Variants in RARB observed in about 807,000 individuals in gnomAD.
RARB encodes HBV-activated protein.
RARB carries 17 observed loss-of-function variants against 51.9 expected under a neutral mutation model. The ratio of observed to expected loss-of-function variants is 0.33; its 90% CI spans 0.22 to 0.49. The LOEUF (loss-of-function observed/expected upper bound fraction) is 0.49, where lower values mean the gene tolerates loss of function less well. Ranked by LOEUF, RARB falls within the 20% of genes least tolerant of loss-of-function variation. The pLI is 0.99. For missense variants in RARB, 369 were observed against 550.8 expected, an observed-to-expected ratio of 0.67 and a Z score of 3.30; for synonymous variants, 215 against 195.4, an observed-to-expected ratio of 1.10 and a Z score of -0.84.
chr3:25,276,459 A>G (rs1703385158), intron 5 of RARB, among the ~76,000 whole-genome samples: 1 of 152,248 alleles, frequency 6.6e-6, no homozygotes, highest in African/African-American at 2.4e-5. Context: ...AATAAACCTA[A>G]TTTGTAGAAT....
chr3:25,135,949 T>C (rs1700026535), intron 4 of RARB, among the ~76,000 whole-genome samples: 1 of 151,572 alleles, frequency 6.6e-6, no homozygotes, highest in Non-Finnish European at 1.5e-5. Context: ...AAAAAAGAAA[T>C]ATAAAATTTT....
intron 2 of RARB, among the ~76,000 whole-genome samples, chr3:24,929,624 G>A (rs1695398844): frequency 1.3e-5 from 2 of 152,084 alleles, no homozygotes; most frequent in Admixed American, 6.6e-5. Flanking sequence ...TTCTGAAGAT[G>A]TAGGGTACAA....
chr3:25,179,325 G>A (rs1353598449), intron 5 of RARB, among the ~76,000 whole-genome samples: 1 of 151,966 alleles, frequency 6.6e-6, no homozygotes, highest in Non-Finnish European at 1.5e-5. Context: ...GCAGATTGAT[G>A]GCAAGTAAAT....
intron 2 of RARB, among the ~76,000 whole-genome samples, chr3:25,011,236 A>T (rs1026576040): frequency 6.6e-6 from 1 of 152,060 alleles, no homozygotes; most frequent in African/African-American, 2.4e-5. Context: ...ATGATGTAGT[A>T]CCATATGGGA....
chr3:25,043,916 A>T (rs144778981), intron 2 of RARB, among the ~76,000 whole-genome samples: 2 of 152,176 alleles, frequency 1.3e-5, no homozygotes, highest in African/African-American at 2.4e-5. Flanking sequence ...GGTTGATGCT[A>T]TTCAGAAGTA....
intron 3 of RARB, among the ~76,000 whole-genome samples, chr3:25,521,417 C>G (rs1453697139): frequency 6.6e-6 from 1 of 152,172 alleles, no homozygotes; most frequent in Non-Finnish European, 1.5e-5. Flanking sequence ...AACATGTGAA[C>G]TTTGCTGCTG....
At chr3:25,286,681 T>C (rs1703664777) in intron 5 of RARB, among the ~76,000 whole-genome samples, 1 of 152,220 alleles carries the variant, frequency 6.6e-6, no homozygotes, top group Admixed American at 6.5e-5. Flanking sequence ...CCCCAATTGA[T>C]TTAATCTTTA....
chr3:24,862,109 C>G (rs1702758965), intron 2 of RARB, among the ~76,000 whole-genome samples: 1 of 152,166 alleles, frequency 6.6e-6, no homozygotes, highest in African/African-American at 2.4e-5. Flanking sequence ...GTGAGACACA[C>G]TGCTCTTCAC....
rs540780957 is a variant in RARB, at chr3:24,861,180, AATAGT to A, written c.-380+2437_-380+2441del. On this transcript the variant is annotated intron_variant, in intron 2 of 11. Coordinates refer to the RARB transcript ENST00000383772. ...AGGCTTTTCCGGTCATTATTCCCTA[AATAGT>A]ATAGTATAACTACTATTTACATGGC... is the stretch of plus-strand genomic sequence containing the variant. Among the ~76,000 whole-genome samples, 223 of 152,324 alleles carry A rather than the reference AATAGT, an allele frequency of 1.5e-3. 1 individual carries two copies. The highest frequency in any genetic ancestry group is 4.9e-3 in the African/African-American group (203 of 41,574).
chr3:24,865,979 C>G (rs968081566), intron 2 of RARB, among the ~76,000 whole-genome samples: 1 of 152,048 alleles, frequency 6.6e-6, no homozygotes, highest in Non-Finnish European at 1.5e-5. Context: ...CCTCTTTCCC[C>G]CTAATTAAGC....
chr3:25,090,851 A>G (rs149335511), intron 3 of RARB, among the ~76,000 whole-genome samples: 241 of 152,050 alleles, frequency 1.6e-3, no homozygotes, highest in African/African-American at 5.2e-3. Context: ...TCAAACTCAC[A>G]CTCCATTTTT....
At chr3:25,514,798 T>A (rs1014102505) in intron 3 of RARB, among the ~76,000 whole-genome samples, 1 of 152,212 alleles carries the variant, frequency 6.6e-6, no homozygotes, top group Admixed American at 6.5e-5. Context: ...TAGTAAACTC[T>A]GTGGACTCAA....
intron 5 of RARB, among the ~76,000 whole-genome samples, chr3:25,327,145 T>C (rs1243213319): frequency 1.3e-5 from 2 of 152,154 alleles, no homozygotes; most frequent in East Asian, 3.9e-4. Context: ...AAGAGAGATT[T>C]AGATCAGCCC....
intron 2 of RARB, among the ~76,000 whole-genome samples, chr3:24,976,422 C>G (rs1696513266): frequency 6.6e-6 from 1 of 152,196 alleles, no homozygotes; most frequent in Admixed American, 6.5e-5. Context: ...CACATCCTCT[C>G]CAGCGTCTGT....
rs144526561 is a variant in RARB, at chr3:25,207,666, C to G, written c.178+33091C>G. 2.7e-3 allele frequency among the ~76,000 whole-genome samples: 407 copies of G among 152,164 alleles called. 2 individuals are homozygous for G. Among genetic ancestry groups the G allele is most frequent in the African/African-American group, 9.4e-3 (391 of 41,510 alleles). On this transcript the variant is annotated intron_variant, in intron 5 of 11. Coordinates refer to the RARB transcript ENST00000383772. The stretch of plus-strand genomic sequence containing the variant: ...TCTCTCTCCCTGCGGGAATAAAACC[C>G]TGTAAAGAGTTTTGTTTGTGCTGTT...
intron 3 of RARB, among the ~76,000 whole-genome samples, chr3:25,066,168 G>T (rs146398717): frequency 7.2e-5 from 11 of 152,112 alleles, no homozygotes; most frequent in African/African-American, 2.7e-4. Context: ...TATTTTTCAA[G>T]GCTGTCAGAT....
chr3:25,422,195 C>T (rs1222243599), intron 5 of RARB, among the ~76,000 whole-genome samples: 1 of 152,202 alleles, frequency 6.6e-6, no homozygotes, highest in Non-Finnish European at 1.5e-5. Context: ...AGGCAGGCAT[C>T]TCAGTTGTAG....
At chr3:24,916,227 A>G (rs905593405) in intron 2 of RARB, among the ~76,000 whole-genome samples, 1 of 152,158 alleles carries the variant, frequency 6.6e-6, no homozygotes, top group East Asian at 1.9e-4. Context: ...GGAAATATAT[A>G]TCATTTCCCT....
At chr3:24,909,872 T>C (rs1319752252) in intron 2 of RARB, among the ~76,000 whole-genome samples, 2 of 152,198 alleles carry the variant, frequency 1.3e-5, no homozygotes. Flanking sequence ...CATAAATGTC[T>C]ATATTTGCCA....
Sources: allele counts gnomAD v4.1 joint callset (sites outside exome capture counted in the v4.1 genomes callset), GRCh38; gene constraint gnomAD v4.1.1; transcripts MANE v1.5; gene names NCBI Gene and HGNC (gene_info 2026-07-23, HGNC 2026-07-21).